Variants in SPINK2 observed in about 807,000 individuals in gnomAD.
SPINK2 encodes serine peptidase inhibitor Kazal type 2.
Under a neutral mutation model 13.5 loss-of-function variants are expected in SPINK2, and 8 were observed. The observed-to-expected ratio is 0.59, with a 90% CI of 0.35 to 1.07. The LOEUF (loss-of-function observed/expected upper bound fraction) is 1.07. Ranked by LOEUF, SPINK2 falls within the 50% of genes least tolerant of loss-of-function variation. SPINK2 has a pLI of 0.02. For synonymous variants in SPINK2, 76 were observed against 74.7 expected (o/e 1.02, Z -0.09); for missense variants, 148 against 180.3 (o/e 0.82, Z 1.03).
In SPINK2 at chr4:56,809,882, T is replaced by C; in HGVS notation, c.*257A>G. On this transcript the variant is annotated 3_prime_UTR_variant, in exon 4 of 4. Coordinates refer to ENST00000506738, the MANE Select transcript of SPINK2 (RefSeq NM_001271718.2). ...GAACTGAATTCAATGCTGATTTTAT[T>C]TCAACTAAATAAAGCAATGCACAAG... is the stretch of plus-strand genomic sequence containing the variant. 1.2e-6 allele frequency: 1 copy of C among 841,570 alleles called. No homozygotes were observed. Among genetic ancestry groups the C allele is most frequent in the Non-Finnish European group, 1.7e-6 (1 of 575,922 alleles). 52.1% of individuals were successfully genotyped at this position (841,570 alleles called of 1,614,324 possible). A position where few individuals can be genotyped will look rare whatever the true frequency, so the allele number is the denominator to read the frequency against.
intron 1 of SPINK2, 115 bp downstream of exon 1, chr4:56,821,343 A>C (rs1396734917): frequency 7.1e-7 from 1 of 1,400,264 alleles, no homozygotes; most frequent in African/African-American, 1.5e-5. Flanking sequence ...TTAACAGAGA[A>C]AGCGCTCTAG....
chr4:56,814,155 C>T (rs930913952), intron 2 of SPINK2, among the ~76,000 whole-genome samples: 3 of 151,792 alleles, frequency 2.0e-5, no homozygotes, highest in African/African-American at 7.3e-5. Flanking sequence ...AACTCCTGAC[C>T]TTGTGATCCG....
At chr4:56,812,563 C>CAAAAAA (rs57162077) in intron 2 of SPINK2, among the ~76,000 whole-genome samples, 5 of 16,370 alleles carry the variant, frequency 3.1e-4, no homozygotes, top group South Asian at 4.9e-3. Context: ...AACTCCATCT[C>CAAAAAA]AAAAAAAAAA....
intron 2 of SPINK2, among the ~76,000 whole-genome samples, 168 bp from the exon 3 acceptor site, chr4:56,811,962 A>G (rs1201564329): frequency 7.1e-6 from 1 of 140,476 alleles, no homozygotes; most frequent in Non-Finnish European, 1.5e-5. Flanking sequence ...TTTTTGAGAC[A>G]GAGTCTCGCC....
chr4:56,821,658 G>T lies in SPINK2; in HGVS notation c.5C>A (p.Ala2Glu). The T allele has an allele frequency of 6.5e-7, 1 of 1,537,184 alleles. No individual in the cohort carries two copies. The highest frequency in any genetic ancestry group is 8.7e-7 in the Non-Finnish European group (1 of 1,143,274). The stretch of plus-strand genomic sequence containing the variant: ...CAGCGCCAAGCGCAGCACCGACAGC[G>T]CCATCCTCCTCCCGCGCCGGCTGTC... M[A>E]LSVLRLALLL... The change falls in exon 1 of 4, where the codon GCG becomes GAG. Residue 2 changes from alanine (A) to glutamate (E), a missense_variant. By Grantham distance (107) the Ala-to-Glu change is moderately radical. Transcript: ENST00000506738.
chr4:56,817,821 T>C (rs1346051140), intron 2 of SPINK2, among the ~76,000 whole-genome samples: 7 of 148,574 alleles, frequency 4.7e-5, no homozygotes, highest in Non-Finnish European at 8.9e-5. Context: ...GCCACTGCAC[T>C]CCACCCTGGC....
intron 1 of SPINK2, 116 bp downstream of exon 1, chr4:56,821,342 A>T: frequency 7.1e-7 from 1 of 1,400,204 alleles, no homozygotes; most frequent in Non-Finnish European, 9.2e-7. Flanking sequence ...TTTAACAGAG[A>T]AAGCGCTCTA....
chr4:56,812,875 C>T (rs551452931), intron 2 of SPINK2, among the ~76,000 whole-genome samples: 3 of 152,248 alleles, frequency 2.0e-5, no homozygotes, highest in East Asian at 3.9e-4. Flanking sequence ...ATGTTCAAAA[C>T]AGGTTCATCA....
chr4:56,816,698 T>G (rs1271577316), intron 2 of SPINK2: 1 of 147,004 alleles, frequency 6.8e-6, no homozygotes, highest in Non-Finnish European at 1.5e-5. Flanking sequence ...TATCTATATA[T>G]AGATATATAT....
Position 56,812,545 on chromosome 4 carries a change from G to A in SPINK2, c.250-751C>T, listed in dbSNP as rs75674618. On this transcript the variant is annotated intron_variant, in intron 2 of 3. Coordinates refer to ENST00000506738, the MANE Select transcript of SPINK2 (RefSeq NM_001271718.2). ...ACTCCAACCCTCCAACCTGGGCAAC[G>A]AGAACGAAACTCCATCTCAAAAAAA... 5.0e-4 allele frequency among the ~76,000 whole-genome samples: 51 copies of A among 102,682 alleles called. No individual in the cohort carries two copies. In the East Asian group the frequency reaches 0.014, roughly 29 times the overall value. The allele number at this position is 102,682 out of a possible 152,430, so 67.4% of individuals were successfully genotyped here.
At chr4:56,811,619 A>G (rs1480899249) in intron 3 of SPINK2, 66 bp downstream of exon 3, 4 of 1,171,878 alleles carry the variant, frequency 3.4e-6, no homozygotes, top group Non-Finnish European at 4.8e-6. Context: ...TCTGTCAAAA[A>G]AAAAAAGAAG....
chr4:56,811,937 C>CT (rs375969300), intron 2 of SPINK2, 143 bp from the exon 3 acceptor site: 7,819 of 173,906 alleles, frequency 0.045, 76 homozygotes, highest in East Asian at 0.055. Context: ...AAAATTTTTT[C>CT]TTTTTTTTTT....
chr4:56,815,684 G>A (rs1717379034), intron 2 of SPINK2, among the ~76,000 whole-genome samples: 1 of 151,872 alleles, frequency 6.6e-6, no homozygotes, highest in Non-Finnish European at 1.5e-5. Context: ...TGGTGGAAGA[G>A]TAAGACCGTG....
chr4:56,811,667 G>A lies in SPINK2; in HGVS notation c.359+18C>T, dbSNP rs1399624979. The A allele has an allele frequency of 1.3e-6, 2 of 1,513,496 alleles. No individual in the cohort carries two copies. Among genetic ancestry groups the A allele is most frequent in the Non-Finnish European group, 1.8e-6 (2 of 1,102,494 alleles). 93.8% of individuals were successfully genotyped at this position (1,513,496 alleles called of 1,614,324 possible). On this transcript the variant is annotated intron_variant, in intron 3 of 3. Coordinates refer to ENST00000506738, the MANE Select transcript of SPINK2 (RefSeq NM_001271718.2). ...ATGAAGAAAACTTGGCTAGTCTACA[G>A]CTGTAAAATCATGTTACCTGATTTT...
Position 56,821,636 on chromosome 4 carries a change from C to T in SPINK2, c.27G>A (p.Ala9=). 6.5e-7 allele frequency: 1 copy of T among 1,547,526 alleles called. No homozygotes were observed. MALSVLRL[A]LLLLAVTFAG... ...CGAAGGTAACTGCCAGGAGCAGCAG[C>T]GCCAAGCGCAGCACCGACAGCGCCA... Residue 9 remains alanine (A), a synonymous_variant, in exon 1 of 4, where the codon GCG becomes GCA. Transcript: ENST00000506738.
chr4:56,819,575 C>G (rs1717753532), intron 2 of SPINK2, among the ~76,000 whole-genome samples: 1 of 151,900 alleles, frequency 6.6e-6, no homozygotes, highest in East Asian at 1.9e-4. Flanking sequence ...AACAATAACC[C>G]CTTTAACAAT....
At position 56,811,801 on chromosome 4, in the gene SPINK2, AAAAG is replaced by A. The variant is rs1258379786; in HGVS notation, c.250-11_250-8del. 1.1e-5 allele frequency: 18 copies of A among 1,586,436 alleles called. No homozygotes were observed. Among genetic ancestry groups the A allele is most frequent in the South Asian group, 2.2e-5 (2 of 89,370 alleles). Reference sequence around the variant, plus strand: ...TATACTGAGAGCAGTTTGGCTGGAAAAAAGAAAGAGAGAAATTCGAGAATGACTT... The same window carrying A: ...TATACTGAGAGCAGTTTGGCTGGAAAAAAGAGAGAAATTCGAGAATGACTT... On this transcript the variant is annotated splice_region_variant and splice_polypyrimidine_tract_variant and intron_variant, in intron 2 of 3. Coordinates refer to ENST00000506738, the MANE Select transcript of SPINK2 (RefSeq NM_001271718.2).
chr4:56,811,485 C>T (rs1289591614), intron 3 of SPINK2, among the ~76,000 whole-genome samples, 200 bp downstream of exon 3: 1 of 151,988 alleles, frequency 6.6e-6, no homozygotes, highest in Admixed American at 6.6e-5. Flanking sequence ...AGCGTGGTGG[C>T]AGGTGCCTGT....
intron 2 of SPINK2, among the ~76,000 whole-genome samples, chr4:56,817,592 T>G (rs924453590): frequency 3.3e-5 from 5 of 151,504 alleles, no homozygotes; most frequent in Non-Finnish European, 7.4e-5. Flanking sequence ...GGTTCACGCT[T>G]GTAATCCCAG....
Sources: allele counts gnomAD v4.1 joint callset (sites outside exome capture counted in the v4.1 genomes callset), GRCh38; gene constraint gnomAD v4.1.1; transcripts MANE v1.5; gene names NCBI Gene and HGNC (gene_info 2026-07-23, HGNC 2026-07-21).